ANK3: variants seen among roughly 807,000 people sequenced by gnomAD.
ANK3 encodes ankyrin-3.
In ANK3, 57 loss-of-function variants were observed where a neutral mutation model predicts 370.9. The observed-to-expected ratio is 0.15, with a 90% CI of 0.12 to 0.19. ANK3 has a LOEUF of 0.19. Among genes scored for constraint, ANK3 ranks in the 10% least tolerant of loss-of-function variants. The probability of loss-of-function intolerance (pLI) is 1.00; values close to 1 mark genes in which losing one functional copy is unlikely to be tolerated. For synonymous variants in ANK3, 1,929 were observed against 1,946.3 expected (o/e 0.99, Z 0.23); for missense variants, 4,439 against 5,302.1 (o/e 0.84, Z 5.06).
At chr10:60,385,629 T>C (rs973795329) in intron 1 of ANK3, among the ~76,000 whole-genome samples, 2 of 152,188 alleles carry the variant, frequency 1.3e-5, no homozygotes, top group Non-Finnish European at 2.9e-5. Context: ...ATTAACTGTA[T>C]GTTTGACATC....
At chr10:60,622,928 C>T (rs558146837) in intron 1 of ANK3, among the ~76,000 whole-genome samples, 4 of 152,294 alleles carry the variant, frequency 2.6e-5, no homozygotes, top group East Asian at 1.9e-4. Flanking sequence ...CTAGTGTTTA[C>T]GTGCTCAAGT....
chr10:60,453,077 G>C (rs1224687849), intron 2 of ANK3, among the ~76,000 whole-genome samples: 1 of 152,220 alleles, frequency 6.6e-6, no homozygotes, highest in Non-Finnish European at 1.5e-5. Context: ...TCTAGGGGAA[G>C]TTGCACAGTG....
chr10:60,482,167 G>T (rs1198680024), intron 2 of ANK3, among the ~76,000 whole-genome samples: 1 of 152,062 alleles, frequency 6.6e-6, no homozygotes, highest in Non-Finnish European at 1.5e-5. Flanking sequence ...CATCAGCCTT[G>T]CTCCCCTTGT....
chr10:60,533,952 T>G (rs1356121432), intron 2 of ANK3, among the ~76,000 whole-genome samples: 1 of 152,168 alleles, frequency 6.6e-6, no homozygotes, highest in Non-Finnish European at 1.5e-5. Context: ...TTGTTATATT[T>G]AAGCCTCATT....
rs1339397734 is a variant in ANK3 at position 60,074,413 on chromosome 10, A to G, written c.6468T>C (p.Val2156=). 6.2e-7 allele frequency: 1 copy of G among 1,614,080 alleles called. No individual in the cohort carries two copies. The change falls in exon 37 of 44, where the codon GTT becomes GTC. Residue 2156 remains valine (V), a synonymous_variant. Coordinates refer to ENST00000280772, the MANE Select transcript of ANK3 (RefSeq NM_020987.5). ...TTTCTGTAATGACAGGAGGGATGGG[A>G]ACTTCATGAAAAAGTGGTTTAGGAC... ...STGPKPLFHE[V]PIPPVITETR... is the part of the protein sequence containing the mutation.
In ANK3 at chr10:60,376,486, T is replaced by G. The variant is rs183253476; in HGVS notation, c.114+12939A>C. Among the ~76,000 whole-genome samples the G allele has an allele frequency of 1.8e-3, 273 of 152,286 alleles. 2 individuals carry two copies. The highest frequency in any genetic ancestry group is 3.3e-3 in the Non-Finnish European group (227 of 68,012). ...GAATCTTATCCTACAGAAAATCCAC[T>G]GAAACATGTTATGTAAAATCAAATT... On this transcript the variant is annotated intron_variant, in intron 1 of 43. Transcript: ENST00000280772.
intron 2 of ANK3, among the ~76,000 whole-genome samples, chr10:60,421,143 CAG>C (rs1226782511): frequency 2.0e-5 from 3 of 151,570 alleles, no homozygotes; most frequent in South Asian, 2.1e-4. Flanking sequence ...GGCAAGTTCA[CAG>C]AGAGAGAGAG....
At position 60,405,292 on chromosome 10, in the gene ANK3, A is replaced by T. The variant is rs528968721; in HGVS notation, c.97-125653T>A. On this transcript the variant is annotated intron_variant, in intron 2 of 43. Coordinates refer to the ANK3 transcript ENST00000373827. ...CAGATGTTAATTAACAAGTGAATGG[A>T]TAAACAAACTGTGGTGTACTCATAC... Among the ~76,000 whole-genome samples the T allele has an allele frequency of 3.3e-5, 5 of 152,330 alleles. No individual in the cohort carries two copies. In the South Asian group the frequency reaches 1.0e-3, roughly 32 times the overall value.
intron 1 of ANK3, among the ~76,000 whole-genome samples, chr10:60,681,547 C>A (rs74155679): frequency 0.012 from 1,796 of 152,284 alleles, 36 homozygotes; most frequent in African/African-American, 0.041. Context: ...GTATAGTTCC[C>A]AGCAGCCTTC....
rs551127688 is a variant in ANK3 at position 60,106,454 on chromosome 10, TA to T, written c.3174-396del. 7.6e-4 allele frequency among the ~76,000 whole-genome samples: 116 copies of T among 151,750 alleles called. 1 individual carries two copies. The South Asian group carries it at 0.017, about 23-fold the overall frequency. The stretch of plus-strand genomic sequence containing the variant: ...ATTTAAAAGGACACAGTCATTTCTT[TA>T]AAAAAAAATTCTATAAAGTTCCTAG... On this transcript the variant is annotated intron_variant, in intron 27 of 43. Transcript: ENST00000280772.
chr10:60,527,626 T>C (rs1391369686), intron 2 of ANK3, among the ~76,000 whole-genome samples: 1 of 152,148 alleles, frequency 6.6e-6, no homozygotes, highest in Non-Finnish European at 1.5e-5. Context: ...TTCTCTGAAA[T>C]TCATTCAAAA....
chr10:60,130,967 C>T (rs1449205623), intron 25 of ANK3, among the ~76,000 whole-genome samples: 2 of 152,164 alleles, frequency 1.3e-5, no homozygotes, highest in Non-Finnish European at 2.9e-5. Context: ...GTACCTTCCA[C>T]CTGGATTCAA....
intron 8 of ANK3, among the ~76,000 whole-genome samples, chr10:60,218,097 C>CTTTTTTTTTTTTTTTT (rs199989242): frequency 6.2e-4 from 78 of 126,014 alleles, no homozygotes; most frequent in Non-Finnish European, 8.1e-4. Context: ...CTTTTTCTTT[C>CTTTTTTTTTTTTTTTT]TTTTTTTTTT....
At chr10:60,265,807 A>G (rs984001361) in intron 5 of ANK3, among the ~76,000 whole-genome samples, 5 of 152,156 alleles carry the variant, frequency 3.3e-5, no homozygotes, top group African/African-American at 1.2e-4. Flanking sequence ...TATATCCAAG[A>G]TGTGCAAAAC....
At chr10:60,502,694 A>G (rs1012587012) in intron 2 of ANK3, among the ~76,000 whole-genome samples, 2 of 150,308 alleles carry the variant, frequency 1.3e-5, no homozygotes, top group Middle Eastern at 3.4e-3. Flanking sequence ...CTGTAGGAAG[A>G]AGGAGGGAGG....
At position 60,029,740 on chromosome 10, in the gene ANK3, A is replaced by G. The variant is rs370126548; in HGVS notation, c.*106T>C. 2.0e-5 allele frequency: 3 copies of G among 152,174 alleles called. No homozygotes were observed. Among genetic ancestry groups the G allele is most frequent in the African/African-American group, 7.2e-5 (3 of 41,394 alleles). The allele number at this position is 152,174 out of a possible 1,614,324, so 9.4% of individuals were successfully genotyped here. ...TGCCATTAATGTGTGGAAGCAGCGA[A>G]CACACACACACTTCTCGGTGAATTT... On this transcript the variant is annotated 3_prime_UTR_variant, in exon 44 of 44. Coordinates refer to ENST00000280772, the MANE Select transcript of ANK3 (RefSeq NM_020987.5).
chr10:60,502,484 G>C (rs55672059), intron 2 of ANK3, among the ~76,000 whole-genome samples: 2 of 152,090 alleles, frequency 1.3e-5, no homozygotes, highest in African/African-American at 4.8e-5. Flanking sequence ...GCTCAATGAC[G>C]TATCTATGTA....
chr10:60,644,349 T>C (rs1300101941), intron 1 of ANK3, among the ~76,000 whole-genome samples: 1 of 152,192 alleles, frequency 6.6e-6, no homozygotes, highest in African/African-American at 2.4e-5. Flanking sequence ...TTTACTCATA[T>C]TTTAAAATGT....
At chr10:60,451,639 T>C (rs778527675) in intron 2 of ANK3, among the ~76,000 whole-genome samples, 2 of 152,176 alleles carry the variant, frequency 1.3e-5, no homozygotes, top group African/African-American at 4.8e-5. Context: ...CAACTGCCTA[T>C]ACCTATGAAT....
Sources: allele counts gnomAD v4.1 joint callset (sites outside exome capture counted in the v4.1 genomes callset), GRCh38; gene constraint gnomAD v4.1.1; transcripts MANE v1.5; gene names NCBI Gene and HGNC (gene_info 2026-07-23, HGNC 2026-07-21).